NUMB: variants seen among roughly 807,000 people sequenced by gnomAD.
NUMB encodes the protein protein numb homolog.
Under a neutral mutation model 59.7 loss-of-function variants are expected in NUMB, and 29 were observed. The ratio of observed to expected loss-of-function variants is 0.49; its 90% CI spans 0.36 to 0.66. The LOEUF is 0.66. Ranked by LOEUF, NUMB falls within the 30% of genes least tolerant of loss-of-function variation. The pLI, the probability that NUMB is intolerant of heterozygous loss-of-function variation, is 0.00. For synonymous variants in NUMB, 288 were observed against 288.2 expected (o/e 1.00, Z 0.01); for missense variants, 723 against 822.0 (o/e 0.88, Z 1.47).
chr14:73,447,980 TAA>T (rs1883655545), intron 1 of NUMB, among the ~76,000 whole-genome samples: 1 of 152,062 alleles, frequency 6.6e-6, no homozygotes, highest in South Asian at 2.1e-4. Flanking sequence ...GTATTTTTAG[TAA>T]AGACTGGGTT....
chr14:73,432,388 A>G lies in NUMB; in HGVS notation c.-232-22320T>C, dbSNP rs148539785. 5.1e-3 allele frequency among the ~76,000 whole-genome samples: 779 copies of G among 152,242 alleles called. 9 individuals carry two copies. Among genetic ancestry groups the G allele is most frequent in the African/African-American group, 0.018 (736 of 41,580 alleles). ...ATATAGAGATAAGATACATGACTTA[A>G]GATCCTCATTGAAATGAGAGGAATG... On this transcript the variant is annotated intron_variant, in intron 1 of 12. Transcript: ENST00000555238.
At chr14:73,372,365 T>TTATATATATATATATATAACCTTTTA (rs34052943) in intron 2 of NUMB, among the ~76,000 whole-genome samples, 1 of 123,208 alleles carries the variant, frequency 8.1e-6, no homozygotes, top group Non-Finnish European at 1.7e-5. Flanking sequence ...ATATAACCTT[T>TTATATATATATATATATAACCTTTTA]TATATATATA....
chr14:73,333,242 CTTG>C (rs1298983253), intron 4 of NUMB, among the ~76,000 whole-genome samples: 5 of 152,138 alleles, frequency 3.3e-5, no homozygotes, highest in African/African-American at 4.8e-5. Context: ...CTTGCCAACA[CTTG>C]TTGTTTTCTG....
At chr14:73,389,358 A>T (rs910495125) in intron 2 of NUMB, among the ~76,000 whole-genome samples, 6 of 144,590 alleles carry the variant, frequency 4.1e-5, no homozygotes, top group Non-Finnish European at 6.1e-5. Flanking sequence ...TTTGAGACGG[A>T]GTCCTGCTCT....
Position 73,275,916 on chromosome 14 carries a change from A to ATTAC in NUMB, c.*658_*661dup, listed in dbSNP as rs1460874924. ...AACTAGCCCCTTTACCTTTGGCAAG[A>ATTAC]TTACTTACAACTCATACAACTTCTT... is the stretch of plus-strand genomic sequence containing the variant. On this transcript the variant is annotated 3_prime_UTR_variant, in exon 13 of 13. Transcript: ENST00000555238. 8 of 152,670 alleles carry ATTAC rather than the reference A, an allele frequency of 5.2e-5. No homozygotes were observed. Among genetic ancestry groups the ATTAC allele is most frequent in the African/African-American group, 1.7e-4 (7 of 41,460 alleles). 9.5% of individuals were successfully genotyped at this position (152,670 alleles called of 1,614,324 possible). A position where few individuals can be genotyped will look rare whatever the true frequency, so the allele number is the denominator to read the frequency against.
At position 73,365,810 on chromosome 14, in the gene NUMB, G is replaced by A. The variant is rs1894319045; in HGVS notation, c.-16+1087C>T. Among the ~76,000 whole-genome samples, 3 of 152,114 alleles carry A rather than the reference G, an allele frequency of 2.0e-5. No homozygotes were observed. The South Asian group carries it at 6.2e-4, about 32-fold the overall frequency. ...TTACTTTAATGAAATTGTAGTAATA[G>A]TTAATCAGCACTTTAGGATTCTGAC... On this transcript the variant is annotated intron_variant, in intron 3 of 12. Transcript: ENST00000555238.
chr14:73,402,274 T>C (rs1896455826), intron 2 of NUMB, among the ~76,000 whole-genome samples: 1 of 152,200 alleles, frequency 6.6e-6, no homozygotes, highest in South Asian at 2.1e-4. Flanking sequence ...AGTATCTCCT[T>C]GATCACAAAT....
intron 6 of NUMB, among the ~76,000 whole-genome samples, chr14:73,301,340 T>A (rs1369072647): frequency 6.6e-6 from 1 of 152,238 alleles, no homozygotes; most frequent in Non-Finnish European, 1.5e-5. Context: ...GTTGGAAGAC[T>A]GAAGAAGGGA....
intron 1 of NUMB, among the ~76,000 whole-genome samples, chr14:73,450,454 T>G (rs889474157): frequency 6.6e-6 from 1 of 152,188 alleles, no homozygotes; most frequent in Non-Finnish European, 1.5e-5. Flanking sequence ...TATGGTTCTG[T>G]GAGATACTAG....
At chr14:73,371,446 A>T (rs919565529) in intron 2 of NUMB, among the ~76,000 whole-genome samples, 1 of 152,020 alleles carries the variant, frequency 6.6e-6, no homozygotes, top group Non-Finnish European at 1.5e-5. Context: ...GAGGCAGAGG[A>T]ATCACTTAAA....
intron 4 of NUMB, among the ~76,000 whole-genome samples, chr14:73,339,628 G>C (rs945977477): frequency 6.6e-6 from 1 of 152,150 alleles, no homozygotes; most frequent in African/African-American, 2.4e-5. Context: ...CTGGGTTCAA[G>C]TGATCCTCCT....
chr14:73,427,166 G>A (rs1189968891), intron 1 of NUMB, among the ~76,000 whole-genome samples: 1 of 152,136 alleles, frequency 6.6e-6, no homozygotes, highest in Non-Finnish European at 1.5e-5. Context: ...TAAGTTGCAT[G>A]ACCCAGACAC....
At chr14:73,278,380 C>T (rs1430855350) in intron 12 of NUMB, among the ~76,000 whole-genome samples, 1 of 151,594 alleles carries the variant, frequency 6.6e-6, no homozygotes, top group Non-Finnish European at 1.5e-5. Context: ...ATTGGTTGGG[C>T]ATGGTGGCAT....
At chr14:73,431,756 G>T (rs991305173) in intron 1 of NUMB, among the ~76,000 whole-genome samples, 8 of 151,760 alleles carry the variant, frequency 5.3e-5, no homozygotes, top group African/African-American at 1.7e-4. Flanking sequence ...CTCAAAAAAA[G>T]AAAAGAAAGA....
chr14:73,382,122 A>G (rs1359853254), intron 2 of NUMB, among the ~76,000 whole-genome samples: 1 of 152,188 alleles, frequency 6.6e-6, no homozygotes, highest in African/African-American at 2.4e-5. Flanking sequence ...GAATCCCAAC[A>G]TGCGGAGGCA....
rs982527102 is a variant in NUMB, at chr14:73,315,336, T to A, written c.234+1054A>T. On this transcript the variant is annotated intron_variant, in intron 6 of 12. Coordinates refer to ENST00000555238, the MANE Select transcript of NUMB (RefSeq NM_001005743.2). ...TACTGTTATCTAATGACAGTATTTT[T>A]CTCTCATACTGTCTCAGTCTGAATT... 2.0e-5 allele frequency among the ~76,000 whole-genome samples: 3 copies of A among 152,142 alleles called. No individual in the cohort carries two copies. The East Asian group carries it at 5.8e-4, about 29-fold the overall frequency.
At chr14:73,388,370 A>C (rs1895663310) in intron 2 of NUMB, among the ~76,000 whole-genome samples, 1 of 152,214 alleles carries the variant, frequency 6.6e-6, no homozygotes, top group East Asian at 1.9e-4. Flanking sequence ...CTTTCCTTGT[A>C]AGATATAACT....
At chr14:73,458,009 C>T (rs915718024) in intron 1 of NUMB, 12 of 152,734 alleles carry the variant, frequency 7.9e-5, no homozygotes, top group African/African-American at 2.7e-4. Context: ...CCCCACCCCG[C>T]TCTCTCCTCA....
chr14:73,338,530 A>T (rs1566749380), intron 4 of NUMB, among the ~76,000 whole-genome samples: 2 of 152,234 alleles, frequency 1.3e-5, no homozygotes, highest in Non-Finnish European at 2.9e-5. Flanking sequence ...TTCTCAGCAC[A>T]GGAGCCAGAA....
Sources: allele counts gnomAD v4.1 joint callset (sites outside exome capture counted in the v4.1 genomes callset), GRCh38; gene constraint gnomAD v4.1.1; transcripts MANE v1.5; gene names NCBI Gene and HGNC (gene_info 2026-07-23, HGNC 2026-07-21).